The following ZNF93 variants were observed in gnomAD, a reference collection of about 807,000 sequenced individuals.
ZNF93 encodes the protein zinc finger protein 505.
In ZNF93, 29 loss-of-function variants were observed where a neutral mutation model predicts 45.0. The observed-to-expected ratio is 0.64, with a 90% CI of 0.48 to 0.88. The LOEUF is 0.88. Among genes scored for constraint, ZNF93 ranks in the 40% least tolerant of loss-of-function variants. The pLI, the probability that ZNF93 is intolerant of heterozygous loss-of-function variation, is 0.00. For missense variants in ZNF93, 578 were observed against 724.0 expected (o/e 0.80, Z 2.31); for synonymous variants, 223 against 244.6 (o/e 0.91, Z 0.82).
At position 19,900,970 on chromosome 19, in the gene ZNF93, A is replaced by T. The variant is rs951814005; in HGVS notation, c.-119A>T. On this transcript the variant is annotated 5_prime_UTR_variant, in exon 1 of 4. Coordinates refer to ENST00000343769, the MANE Select transcript of ZNF93 (RefSeq NM_031218.4). ...TGTCTCTCGGTGCAGCCGGAGCTCC[A>T]GGTCTCCTCTTCACTACTCTGTGTC... 24 of 1,500,436 alleles carry T rather than the reference A, an allele frequency of 1.6e-5. No individual in the cohort carries two copies. In the Middle Eastern group the frequency reaches 1.2e-3, roughly 76 times the overall value. The allele number at this position is 1,500,436 out of a possible 1,614,324, so 92.9% of individuals were successfully genotyped here.
intron 1 of ZNF93, among the ~76,000 whole-genome samples, chr19:19,901,606 T>A (rs1200346828): frequency 1.3e-5 from 2 of 151,918 alleles, no homozygotes; most frequent in African/African-American, 4.8e-5. Context: ...CTCAACTTCC[T>A]GGTCATAAGT....
At chr19:19,910,771 G>A (rs948952536) in intron 1 of ZNF93, among the ~76,000 whole-genome samples, 1 of 151,780 alleles carries the variant, frequency 6.6e-6, no homozygotes, top group African/African-American at 2.4e-5. Flanking sequence ...AGAGCCAGGT[G>A]GATCCTACCT....
At chr19:19,924,371 G>C (rs1312036826) in intron 3 of ZNF93, among the ~76,000 whole-genome samples, 1 of 151,750 alleles carries the variant, frequency 6.6e-6, no homozygotes, top group Non-Finnish European at 1.5e-5. Context: ...GATTACAGCC[G>C]TGAGCCACCG....
chr19:19,927,691 A>G (rs1599572728), intron 3 of ZNF93, among the ~76,000 whole-genome samples: 2 of 152,226 alleles, frequency 1.3e-5, no homozygotes, highest in Admixed American at 1.3e-4. Context: ...TATATGTTAC[A>G]TTTTTTAATA....
intron 3 of ZNF93, among the ~76,000 whole-genome samples, chr19:19,924,907 T>C (rs1300217373): frequency 6.6e-6 from 1 of 152,212 alleles, no homozygotes. Context: ...TGTGGATTTC[T>C]ATGTAGACAG....
At chr19:19,930,794 AATC>A (rs977013073) in intron 3 of ZNF93, among the ~76,000 whole-genome samples, 10 of 152,342 alleles carry the variant, frequency 6.6e-5, no homozygotes, top group African/African-American at 2.4e-4. Flanking sequence ...ATTCATATAT[AATC>A]ATATCTAAGA....
At chr19:19,915,696 G>C (rs1234160906) in intron 2 of ZNF93, among the ~76,000 whole-genome samples, 1 of 152,050 alleles carries the variant, frequency 6.6e-6, no homozygotes, top group Non-Finnish European at 1.5e-5. Flanking sequence ...CAAAAAATTA[G>C]CCAGGCGTTG....
rs747215915 is a variant in ZNF93 at position 19,933,940 on chromosome 19, A to G, written c.985A>G (p.Thr329Ala). 5.0e-6 allele frequency: 8 copies of G among 1,612,456 alleles called. No individual in the cohort carries two copies. Among genetic ancestry groups the G allele is most frequent in the Non-Finnish European group, 6.8e-6 (8 of 1,179,392 alleles). Reference sequence around the variant, plus strand: ...AGCCTTTAAGTACTCCCGTATCCTTACTACACATAAGAGAATTCATACTGG... The same window carrying G: ...AGCCTTTAAGTACTCCCGTATCCTTGCTACACATAAGAGAATTCATACTGG... Reference protein sequence around the residue: ...GKAFKYSRILTTHKRIHTGEK... With the variant: ...GKAFKYSRILATHKRIHTGEK... The change falls in exon 4 of 4, where the codon ACT becomes GCT. Residue 329 changes from threonine (T) to alanine (A), a missense_variant. Thr to Ala is a moderately conservative substitution (Grantham distance 58). Transcript: ENST00000343769.
intron 3 of ZNF93, among the ~76,000 whole-genome samples, chr19:19,930,558 C>T (rs552564890): frequency 2.3e-4 from 32 of 140,342 alleles, no homozygotes; most frequent in African/African-American, 6.6e-4. Flanking sequence ...TGCTAGGCAA[C>T]GGGCGTCTTC....
intron 3 of ZNF93, among the ~76,000 whole-genome samples, chr19:19,926,585 G>T (rs2063356875): frequency 6.7e-6 from 1 of 149,542 alleles, no homozygotes; most frequent in African/African-American, 2.5e-5. Context: ...CGGGGTTCAA[G>T]GGATTGTGGT....
At chr19:19,921,258 G>T (rs958092754) in intron 3 of ZNF93, among the ~76,000 whole-genome samples, 3 of 152,210 alleles carry the variant, frequency 2.0e-5, no homozygotes, top group Admixed American at 6.5e-5. Context: ...GGTTTTGAGT[G>T]AGTTTCTTAA....
At chr19:19,929,665 G>A (rs909281541) in intron 3 of ZNF93, among the ~76,000 whole-genome samples, 4 of 152,124 alleles carry the variant, frequency 2.6e-5, no homozygotes, top group Non-Finnish European at 5.9e-5. Context: ...AGGGCCGGGC[G>A]TGGTGGCTCA....
intron 3 of ZNF93, among the ~76,000 whole-genome samples, chr19:19,923,935 G>A (rs1168928472): frequency 6.6e-6 from 1 of 152,130 alleles, no homozygotes; most frequent in Non-Finnish European, 1.5e-5. Context: ...TGCACCCCTT[G>A]TCCGACAATT....
intron 1 of ZNF93, among the ~76,000 whole-genome samples, chr19:19,902,420 G>A (rs530731712): frequency 6.6e-6 from 1 of 151,984 alleles, no homozygotes; most frequent in East Asian, 2.0e-4. Context: ...CATCATGCTT[G>A]GCTGATTTTG....
rs749468414 is a variant in ZNF93, at chr19:19,934,714, C to G, written c.1759C>G (p.His587Asp). ...SATLSSHKKI[H>D]SGEKPYECDK... The stretch of plus-strand genomic sequence containing the variant: ...AACCCTTTCTTCACATAAGAAAATC[C>G]ATTCTGGAGAGAAACCATACGAGTG... Residue 587 changes from histidine to aspartate, a missense_variant, in exon 4 of 4, where the codon CAT (histidine) becomes GAT (aspartate). Coordinates refer to ENST00000343769, the MANE Select transcript of ZNF93 (RefSeq NM_031218.4). The G allele has an allele frequency of 1.2e-6, 2 of 1,613,530 alleles. No individual in the cohort carries two copies. Among genetic ancestry groups the G allele is most frequent in the East Asian group, 4.5e-5 (2 of 44,874 alleles).
intron 1 of ZNF93, among the ~76,000 whole-genome samples, chr19:19,911,523 C>G (rs1281814081): frequency 2.0e-5 from 3 of 152,086 alleles, no homozygotes; most frequent in African/African-American, 7.2e-5. Context: ...CTAGCTCCTT[C>G]CACTTCATAT....
chr19:19,927,136 G>A (rs975881294), intron 3 of ZNF93: 105 of 398,524 alleles, frequency 2.6e-4, no homozygotes, highest in African/African-American at 1.6e-3. Flanking sequence ...TGGTGCTCAT[G>A]TGTAATCCCA....
intron 2 of ZNF93, 39 bp downstream of exon 2, chr19:19,915,445 A>G (rs755622023): frequency 4.4e-6 from 7 of 1,579,906 alleles, no homozygotes; most frequent in Non-Finnish European, 6.0e-6. Context: ...AATACACCCT[A>G]AAGGTTTTAT....
chr19:19,929,059 A>C (rs146191598), intron 3 of ZNF93, among the ~76,000 whole-genome samples: 1 of 152,144 alleles, frequency 6.6e-6, no homozygotes, highest in African/African-American at 2.4e-5. Flanking sequence ...TTTCTCATGA[A>C]TGGCTTGGTA....
Sources: allele counts gnomAD v4.1 joint callset (sites outside exome capture counted in the v4.1 genomes callset), GRCh38; gene constraint gnomAD v4.1.1; transcripts MANE v1.5; gene names NCBI Gene and HGNC (gene_info 2026-07-23, HGNC 2026-07-21).